The following DCC variants were observed in gnomAD, a reference collection of about 807,000 sequenced individuals.
DCC encodes netrin receptor DCC.
A neutral mutation model predicts 172.5 loss-of-function variants in DCC; 58 were observed. The observed-to-expected ratio is 0.34, with a 90% confidence interval of 0.27 to 0.42. The LOEUF is 0.42. Among genes scored for constraint, DCC ranks in the 10% least tolerant of loss-of-function variants. The pLI is 1.00. For missense variants in DCC, 1,740 were observed against 1,791.0 expected, an observed-to-expected ratio of 0.97 and a Z score of 0.51; for synonymous variants, 709 against 644.5, an observed-to-expected ratio of 1.10 and a Z score of -1.52.
intron 1 of DCC, among the ~76,000 whole-genome samples, chr18:52,673,199 C>A (rs1042999061): frequency 6.6e-6 from 1 of 152,178 alleles, no homozygotes; most frequent in Non-Finnish European, 1.5e-5. Context: ...AAAGTCCCTC[C>A]CATTTTTAAA....
chr18:52,805,412 G>A lies in DCC; in HGVS notation c.412+53038G>A, dbSNP rs1174119881. Among the ~76,000 whole-genome samples the A allele has an allele frequency of 8.5e-5, 13 of 152,226 alleles. No individual in the cohort carries two copies. In the South Asian group the frequency reaches 2.7e-3, roughly 32 times the overall value. The stretch of plus-strand genomic sequence containing the variant: ...AGCTATAAAAGGAGAAGGTTAGATG[G>A]TCTAGATAAAAAAAATTATATGAAT... On this transcript the variant is annotated intron_variant, in intron 2 of 28. Transcript: ENST00000442544.
At chr18:52,947,356 T>C (rs2040564370) in intron 5 of DCC, among the ~76,000 whole-genome samples, 1 of 152,194 alleles carries the variant, frequency 6.6e-6, no homozygotes, top group South Asian at 2.1e-4. Context: ...CAACTCCTTA[T>C]ATTGTCCAAA....
chr18:52,805,738 A>T (rs1427247571), intron 2 of DCC, among the ~76,000 whole-genome samples: 1 of 152,190 alleles, frequency 6.6e-6, no homozygotes, highest in Non-Finnish European at 1.5e-5. Context: ...TAAACCAGAA[A>T]TACATAACTG....
intron 1 of DCC, among the ~76,000 whole-genome samples, chr18:52,694,133 T>C (rs900210377): frequency 6.6e-6 from 1 of 151,928 alleles, no homozygotes; most frequent in Non-Finnish European, 1.5e-5. Flanking sequence ...TTCTATGGAG[T>C]TCTTCCCAAA....
chr18:52,958,661 T>A (rs1389092243), intron 5 of DCC, among the ~76,000 whole-genome samples: 4 of 152,082 alleles, frequency 2.6e-5, no homozygotes, highest in African/African-American at 9.7e-5. Context: ...CAGGACTTGG[T>A]GGCCATAGGC....
chr18:53,146,933 G>T (rs1301207797), intron 7 of DCC, among the ~76,000 whole-genome samples: 3 of 151,964 alleles, frequency 2.0e-5, no homozygotes, highest in African/African-American at 7.3e-5. Context: ...TACATTTAAT[G>T]ATTTTTTTAA....
chr18:53,208,230 G>A lies in DCC; in HGVS notation c.1861+413G>A, dbSNP rs575606312. Among the ~76,000 whole-genome samples, 10 of 151,292 alleles carry A rather than the reference G, an allele frequency of 6.6e-5. 1 individual carries two copies. In the East Asian group the frequency reaches 1.2e-3, roughly 18 times the overall value. On this transcript the variant is annotated intron_variant, in intron 11 of 28. Transcript: ENST00000442544. ...TTCAAGACTGCAGTAAGCTGTGATCGTTCTACTGCACTCCAGCCTGGGCAA... is the reference window on the plus strand; with the variant it reads ...TTCAAGACTGCAGTAAGCTGTGATCATTCTACTGCACTCCAGCCTGGGCAA...
intron 5 of DCC, among the ~76,000 whole-genome samples, chr18:53,027,233 T>A (rs886850855): frequency 6.6e-6 from 1 of 152,094 alleles, no homozygotes. Flanking sequence ...AGTAGAGATA[T>A]CTGGTTCCTG....
intron 1 of DCC, among the ~76,000 whole-genome samples, chr18:52,498,572 C>T (rs1002597577): frequency 2.0e-5 from 3 of 151,848 alleles, no homozygotes; most frequent in Non-Finnish European, 2.9e-5. Flanking sequence ...TGCAGTGAGC[C>T]GAGATCATGC....
chr18:53,402,307 T>G (rs1909349628), intron 18 of DCC, among the ~76,000 whole-genome samples: 1 of 151,956 alleles, frequency 6.6e-6, no homozygotes, highest in Non-Finnish European at 1.5e-5. Flanking sequence ...GGAGGATCAC[T>G]TGAGCCCAGG....
intron 7 of DCC, among the ~76,000 whole-genome samples, chr18:53,148,674 T>C (rs1294639128): frequency 1.3e-5 from 2 of 152,080 alleles, no homozygotes; most frequent in Non-Finnish European, 2.9e-5. Context: ...TAAAGTCTTA[T>C]AGGAGCAGAA....
intron 25 of DCC, among the ~76,000 whole-genome samples, chr18:53,483,387 T>G (rs2045861085): frequency 6.6e-6 from 1 of 151,890 alleles, no homozygotes; most frequent in African/African-American, 2.4e-5. Context: ...ACTTAAAATA[T>G]TTTGTTACAC....
chr18:53,282,086 C>T (rs983666741), intron 12 of DCC, among the ~76,000 whole-genome samples: 2 of 152,100 alleles, frequency 1.3e-5, no homozygotes, highest in Non-Finnish European at 2.9e-5. Context: ...CTACCTACAA[C>T]GTACTTCACA....
chr18:53,125,313 T>A (rs2043539757), intron 7 of DCC, among the ~76,000 whole-genome samples: 2 of 152,174 alleles, frequency 1.3e-5, no homozygotes, highest in South Asian at 2.1e-4. Context: ...CCCATTAATA[T>A]CACGGTAGAT....
At chr18:53,315,679 A>G (rs538060369) in intron 13 of DCC, among the ~76,000 whole-genome samples, 86 of 152,076 alleles carry the variant, frequency 5.7e-4, no homozygotes, top group Non-Finnish European at 9.9e-4. Flanking sequence ...ATGGTATCTC[A>G]TTGTGGTTTT....
At chr18:52,733,169 G>T (rs2036672675) in intron 1 of DCC, among the ~76,000 whole-genome samples, 1 of 152,106 alleles carries the variant, frequency 6.6e-6, no homozygotes, top group Non-Finnish European at 1.5e-5. Context: ...TACTGAATGT[G>T]ATGGAGAAGG....
At chr18:53,448,763 G>A (rs146866772) in intron 22 of DCC, among the ~76,000 whole-genome samples, 5 of 152,166 alleles carry the variant, frequency 3.3e-5, no homozygotes, top group African/African-American at 9.7e-5. Context: ...TGAGGCAAGA[G>A]AATCGCTTGA....
chr18:53,098,612 A>G (rs544901393), intron 7 of DCC, among the ~76,000 whole-genome samples: 2 of 152,290 alleles, frequency 1.3e-5, no homozygotes, highest in South Asian at 4.1e-4. Flanking sequence ...TGGGTGGCAT[A>G]TGACATCAAT....
chr18:53,288,568 G>T (rs1159527549), intron 12 of DCC, among the ~76,000 whole-genome samples: 1 of 151,938 alleles, frequency 6.6e-6, no homozygotes, highest in African/African-American at 2.4e-5. Flanking sequence ...AATGGCTTTT[G>T]TGCAGATATA....
Sources: allele counts gnomAD v4.1 joint callset (sites outside exome capture counted in the v4.1 genomes callset), GRCh38; gene constraint gnomAD v4.1.1; transcripts MANE v1.5; gene names NCBI Gene and HGNC (gene_info 2026-07-23, HGNC 2026-07-21).